Variants in RELN observed in about 807,000 individuals in gnomAD.
RELN encodes the protein reelin.
RELN carries 108 observed loss-of-function variants against 427.6 expected under a neutral mutation model. The observed-to-expected ratio is 0.25, with a 90% CI of 0.22 to 0.30. The LOEUF is 0.30. Ranked by LOEUF, RELN falls within the 10% of genes least tolerant of loss-of-function variation. The probability of loss-of-function intolerance (pLI) is 1.00; values close to 1 mark genes in which losing one functional copy is unlikely to be tolerated. For missense variants in RELN, 3,715 were observed against 4,302.8 expected, an observed-to-expected ratio of 0.86 and a Z score of 3.82; for synonymous variants, 1,524 against 1,513.4, an observed-to-expected ratio of 1.01 and a Z score of -0.16.
intron 16 of RELN, among the ~76,000 whole-genome samples, chr7:103,648,891 A>G (rs1055407594): frequency 6.6e-6 from 1 of 152,096 alleles, no homozygotes; most frequent in African/African-American, 2.4e-5. Flanking sequence ...ATGAGATACC[A>G]TCTTACTCCA....
In RELN at chr7:103,541,672, C is replaced by T. The variant is rs528610214; in HGVS notation, c.6671+1059G>A. 1.5e-3 allele frequency among the ~76,000 whole-genome samples: 224 copies of T among 152,248 alleles called. 1 individual carries two copies. The highest frequency in any genetic ancestry group is 5.1e-3 in the African/African-American group (211 of 41,550). ...AGAAATACTTTTAGTATATTGTCTA[C>T]TTGTATTGAGAAAATCTTTATATTA... On this transcript the variant is annotated intron_variant, in intron 43 of 64. Transcript: ENST00000428762.
chr7:103,851,778 T>A (rs550088919), intron 2 of RELN, among the ~76,000 whole-genome samples: 36 of 152,334 alleles, frequency 2.4e-4, no homozygotes, highest in Non-Finnish European at 4.3e-4. Flanking sequence ...GCTCACCAAA[T>A]AGCTGTATGC....
chr7:103,490,888 TG>T (rs1828627379), intron 58 of RELN, 59 bp from the exon 59 acceptor site: 1 of 1,555,838 alleles, frequency 6.4e-7, no homozygotes, highest in Non-Finnish European at 8.8e-7. Flanking sequence ...AATCTGTTAA[TG>T]TCAAGGTAAT....
chr7:103,898,666 T>C (rs1195044682), intron 2 of RELN, among the ~76,000 whole-genome samples: 3 of 152,090 alleles, frequency 2.0e-5, no homozygotes, highest in Non-Finnish European at 2.9e-5. Context: ...TAATTAAGCA[T>C]TTTTATTAGC....
intron 2 of RELN, among the ~76,000 whole-genome samples, chr7:103,892,143 G>A (rs1794864060): frequency 6.6e-6 from 1 of 152,142 alleles, no homozygotes; most frequent in Non-Finnish European, 1.5e-5. Flanking sequence ...CAGTTAAGAA[G>A]AAGTCACACC....
intron 2 of RELN, among the ~76,000 whole-genome samples, chr7:103,906,566 A>G (rs962753859): frequency 6.6e-6 from 1 of 151,950 alleles, no homozygotes; most frequent in Admixed American, 6.6e-5. Context: ...TCTGCTCATG[A>G]TTCCTCTGAG....
rs144849366 is a variant in RELN at position 103,811,205 on chromosome 7, A to G, written c.473+22332T>C. Among the ~76,000 whole-genome samples, 345 of 152,346 alleles carry G rather than the reference A, an allele frequency of 2.3e-3. 2 individuals carry two copies. The highest frequency in any genetic ancestry group is 7.6e-3 in the African/African-American group (314 of 41,584). On this transcript the variant is annotated intron_variant, in intron 3 of 64. Transcript: ENST00000428762. ...ATACTTCTCTCAGTGTTACTTTCTA[A>G]AACATATCCTGCTTGTGGGGCAATA...
chr7:103,874,720 A>G (rs1794435308), intron 2 of RELN, among the ~76,000 whole-genome samples: 1 of 150,114 alleles, frequency 6.7e-6, no homozygotes, highest in South Asian at 2.3e-4. Context: ...ATACAAACAA[A>G]TAGAAGAACA....
chr7:103,961,755 C>T (rs745680160), intron 1 of RELN, among the ~76,000 whole-genome samples: 1 of 151,708 alleles, frequency 6.6e-6, no homozygotes, highest in Non-Finnish European at 1.5e-5. Context: ...ATTCTCTCCA[C>T]CTGTCATAGT....
Position 103,751,158 on chromosome 7 carries a change from T to C in RELN, c.578-1654A>G, listed in dbSNP as rs112471640. Among the ~76,000 whole-genome samples the C allele has an allele frequency of 5.3e-3, 808 of 152,334 alleles. 11 individuals are homozygous for C. The highest frequency in any genetic ancestry group is 0.018 in the African/African-American group (762 of 41,576). ...TTCCAGCTACTCTAACTTCTTTGGG[T>C]CTTGACAATTTTGTTTGAACTAGCT... is the stretch of plus-strand genomic sequence containing the variant. On this transcript the variant is annotated intron_variant, in intron 5 of 64. Transcript: ENST00000428762.
At chr7:103,639,085 G>T (rs920297350) in intron 17 of RELN, among the ~76,000 whole-genome samples, 1 of 152,098 alleles carries the variant, frequency 6.6e-6, no homozygotes, top group Non-Finnish European at 1.5e-5. Context: ...CTAAGAAGAT[G>T]GTCTGATTAT....
intron 1 of RELN, among the ~76,000 whole-genome samples, chr7:103,922,704 C>T (rs1187398464): frequency 6.6e-6 from 1 of 151,998 alleles, no homozygotes; most frequent in Non-Finnish European, 1.5e-5. Context: ...CCCACGAGAC[C>T]CTAATACCAT....
At chr7:103,716,113 G>C (rs1789933331) in intron 8 of RELN, among the ~76,000 whole-genome samples, 2 of 152,130 alleles carry the variant, frequency 1.3e-5, no homozygotes, top group African/African-American at 4.8e-5. Context: ...TTCCTACAGG[G>C]TGCCATTCCC....
intron 1 of RELN, among the ~76,000 whole-genome samples, chr7:103,937,149 A>G (rs1584383483): frequency 6.6e-6 from 1 of 152,228 alleles, no homozygotes; most frequent in Non-Finnish European, 1.5e-5. Flanking sequence ...AATAAAATAA[A>G]TAAATGAAAA....
intron 2 of RELN, among the ~76,000 whole-genome samples, chr7:103,884,203 C>A (rs900998445): frequency 2.0e-5 from 3 of 151,994 alleles, no homozygotes; most frequent in Non-Finnish European, 4.4e-5. Context: ...ATTTAATAAA[C>A]GTCATTGGAA....
At position 103,907,415 on chromosome 7, in the gene RELN, G is replaced by GAA. The variant is rs941182837; in HGVS notation, c.337+9658_337+9659dup. 4.3e-4 allele frequency among the ~76,000 whole-genome samples: 19 copies of GAA among 44,120 alleles called. 1 individual carries two copies. In the East Asian group the frequency reaches 0.013, roughly 30 times the overall value. The allele number at this position is 44,120 out of a possible 152,430, so 28.9% of individuals were successfully genotyped here. Reference sequence around the variant, plus strand: ...CCTGGGCAACAAGATCAAGGCTCTGGAAAAAAAAAAAAAAAAAAAAAAAAA... The same window carrying GAA: ...CCTGGGCAACAAGATCAAGGCTCTGGAAAAAAAAAAAAAAAAAAAAAAAAAAA... On this transcript the variant is annotated intron_variant, in intron 2 of 64. Coordinates refer to ENST00000428762, the MANE Select transcript of RELN (RefSeq NM_005045.4).
At chr7:103,859,219 C>G (rs147408511) in intron 2 of RELN, among the ~76,000 whole-genome samples, 117 of 152,298 alleles carry the variant, frequency 7.7e-4, no homozygotes, top group South Asian at 6.2e-4. Flanking sequence ...TAATACCAGT[C>G]AAAGAATGGA....
chr7:103,489,203 G>GTGTGTGTGTGTGTGTGT lies in RELN; in HGVS notation c.9763+538_9763+539insACACACACACACACACA, dbSNP rs1828558083. On this transcript the variant is annotated intron_variant, in intron 60 of 64. Transcript: ENST00000428762. ...AATGTATTTCTTTGAGTCATAAAGG[G>GTGTGTGTGTGTGTGTGT]GTGTGTGTGTGTGTGTGTGTGTGTG... is the stretch of plus-strand genomic sequence containing the variant. Among the ~76,000 whole-genome samples the GTGTGTGTGTGTGTGTGT allele has an allele frequency of 1.5e-3, 227 of 147,864 alleles. 2 individuals carry two copies. The highest frequency in any genetic ancestry group is 6.9e-3 in the South Asian group (32 of 4,668).
intron 11 of RELN, among the ~76,000 whole-genome samples, chr7:103,681,509 T>G (rs1833652108): frequency 6.6e-6 from 1 of 152,136 alleles, no homozygotes; most frequent in African/African-American, 2.4e-5. Flanking sequence ...CAACTTGAAC[T>G]TCTGAAAGTG....
Sources: allele counts gnomAD v4.1 joint callset (sites outside exome capture counted in the v4.1 genomes callset), GRCh38; gene constraint gnomAD v4.1.1; transcripts MANE v1.5; gene names NCBI Gene and HGNC (gene_info 2026-07-23, HGNC 2026-07-21).